The following SLC11A1 variants were observed in gnomAD, a reference collection of about 807,000 sequenced individuals.
SLC11A1 encodes natural resistance-associated macrophage protein 1.
In SLC11A1, 59 loss-of-function variants were observed where a neutral mutation model predicts 63.2. That is an observed-to-expected ratio of 0.93 (90% confidence interval 0.76 to 1.16). The LOEUF is 1.16. Ranked by LOEUF, SLC11A1 falls within the 50% of genes most tolerant of loss-of-function variation. The pLI is 0.00. For missense variants in SLC11A1, 688 were observed against 730.7 expected, an observed-to-expected ratio of 0.94 and a Z score of 0.67; for synonymous variants, 305 against 307.8, an observed-to-expected ratio of 0.99 and a Z score of 0.09.
chr2:218,393,974 C>T, intron 12 of SLC11A1, 146 bp from the exon 13 acceptor site: 2 of 666,920 alleles, frequency 3.0e-6, no homozygotes, highest in Non-Finnish European at 5.0e-6. Context: ...CCTGATAAGG[C>T]AGGAGACGGG....
chr2:218,394,307 A>C (rs1696629943), intron 13 of SLC11A1, 114 bp downstream of exon 13: 1 of 1,128,770 alleles, frequency 8.9e-7, no homozygotes, highest in Non-Finnish European at 1.3e-6. Context: ...ACAGAGGCTG[A>C]GAGAGGTTAA....
intron 7 of SLC11A1, 77 bp from the exon 8 acceptor site, chr2:218,387,723 G>A: frequency 1.9e-6 from 3 of 1,611,664 alleles, no homozygotes; most frequent in Non-Finnish European, 1.7e-6. Flanking sequence ...GGCTGGGGTG[G>A]GATGGAGGCT....
At chr2:218,391,568 C>T (rs1203049895) in intron 11 of SLC11A1, 73 bp downstream of exon 11, 10 of 1,436,790 alleles carry the variant, frequency 7.0e-6, no homozygotes, top group African/African-American at 5.8e-5. Context: ...GCTAGAACTC[C>T]GAGCCTTGTG....
In SLC11A1 at chr2:218,384,514, C is replaced by T. The variant is rs1695971754; in HGVS notation, c.273+149C>T. 2.4e-6 allele frequency: 2 copies of T among 846,016 alleles called. No individual in the cohort carries two copies. The highest frequency in any genetic ancestry group is 2.9e-5 in the Admixed American group (1 of 34,714). 52.4% of individuals were successfully genotyped at this position (846,016 alleles called of 1,614,324 possible). ...GCCCGAAAAGGGTCCCCAGGGCAGCCCTGCCAGAAGGTGGGGCATTTGTGT... is the reference window on the plus strand; with the variant it reads ...GCCCGAAAAGGGTCCCCAGGGCAGCTCTGCCAGAAGGTGGGGCATTTGTGT... On this transcript the variant is annotated intron_variant, in intron 3 of 14. Transcript: ENST00000233202. This position sits in a 1 kb window ranked among gnomAD's most constrained non-coding sequence, Gnocchi z 4.0.
At chr2:218,391,006 A>AC (rs1162483147) in intron 9 of SLC11A1, among the ~76,000 whole-genome samples, 192 bp from the exon 10 acceptor site, 1 of 152,010 alleles carries the variant, frequency 6.6e-6, no homozygotes, top group Non-Finnish European at 1.5e-5. Flanking sequence ...ACATGACAAG[A>AC]CCCCCATCGC....
At chr2:218,391,128 C>A (rs1696409119) in intron 9 of SLC11A1, 70 bp from the exon 10 acceptor site, 1 of 1,388,626 alleles carries the variant, frequency 7.2e-7, no homozygotes, top group Non-Finnish European at 1.0e-6. Context: ...CTGGTCAGTG[C>A]TAGGCAGTCC....
chr2:218,385,551 C>T (rs751328878), intron 4 of SLC11A1: 4 of 449,840 alleles, frequency 8.9e-6, no homozygotes, highest in South Asian at 3.3e-5. Flanking sequence ...CCACCATCAT[C>T]GGCTAATTTT....
chr2:218,386,800 C>T (rs972280080), intron 5 of SLC11A1, 59 bp downstream of exon 5: 6 of 1,230,654 alleles, frequency 4.9e-6, no homozygotes, highest in Middle Eastern at 3.7e-4. Flanking sequence ...GCTGCTACTT[C>T]CCCCCCTAAC....
intron 8 of SLC11A1, 104 bp from the exon 9 acceptor site, chr2:218,389,766 A>T: frequency 1.6e-6 from 2 of 1,226,946 alleles, no homozygotes; most frequent in Non-Finnish European, 2.3e-6. Flanking sequence ...CAGGGGACTT[A>T]AGAAGGTACT....
In SLC11A1 at chr2:218,389,862, C is replaced by G. The variant is rs1696327489; in HGVS notation, c.796-8C>G. On this transcript the variant is annotated splice_region_variant and splice_polypyrimidine_tract_variant and intron_variant, in intron 8 of 14. Transcript: ENST00000233202. ...TTTGGCACTTCCCTCTCCCTTTGATCTTCGTAGTCTCGAGAGATAGACCGG... is the reference window on the plus strand; with the variant it reads ...TTTGGCACTTCCCTCTCCCTTTGATGTTCGTAGTCTCGAGAGATAGACCGG... 4 of 1,602,976 alleles carry G rather than the reference C, an allele frequency of 2.5e-6. No homozygotes were observed. The African/African-American group carries it at 5.4e-5, about 21-fold the overall frequency.
Position 218,386,668 on chromosome 2 carries a change from C to T in SLC11A1, c.427C>T (p.Leu143=). 1 of 1,614,086 alleles carries T rather than the reference C, an allele frequency of 6.2e-7. No individual in the cohort carries two copies. The highest frequency in any genetic ancestry group is 8.5e-7 in the Non-Finnish European group (1 of 1,179,988). Residue 143 remains leucine (L), a synonymous_variant, in exon 5 of 15, where the codon CTA becomes TTA. Transcript: ENST00000233202. ...CACCGTCCTCTGGCTGACCATCGAG[C>T]TAGCCATTGTGGGCTCCGACATGCA... ...PRTVLWLTIE[L]AIVGSDMQEV...
At chr2:218,387,737 A>T (rs988290356) in intron 7 of SLC11A1, 63 bp from the exon 8 acceptor site, 19 of 1,611,550 alleles carry the variant, frequency 1.2e-5, no homozygotes. Flanking sequence ...GGAGGCTGAG[A>T]AATGGTGACC....
Position 218,387,148 on chromosome 2 carries a change from C to T in SLC11A1, c.501-12C>T. ...GACCAGGCTGGGCTGACCCGGGCCA[C>T]TCTGGTTTCAGAATCCCACTCTGGG... On this transcript the variant is annotated splice_polypyrimidine_tract_variant and intron_variant, in intron 5 of 14. Transcript: ENST00000233202. The T allele has an allele frequency of 6.2e-7, 1 of 1,614,086 alleles. No individual in the cohort carries two copies. Among genetic ancestry groups the T allele is most frequent in the Non-Finnish European group, 8.5e-7 (1 of 1,179,894 alleles).
chr2:218,395,315 ATTT>A lies in SLC11A1; in HGVS notation c.*281_*283del. 4.7e-6 allele frequency: 2 copies of A among 425,598 alleles called. No homozygotes were observed. Among genetic ancestry groups the A allele is most frequent in the East Asian group, 4.2e-5 (1 of 23,734 alleles). The allele number at this position is 425,598 out of a possible 1,614,324, so 26.4% of individuals were successfully genotyped here. Reference sequence around the variant, plus strand: ...GGACAAAAACAAACAAACGAAAAACATTTCAAAAGGTATTTATTGAGCACCTGC... The same window carrying A: ...GGACAAAAACAAACAAACGAAAAACACAAAAGGTATTTATTGAGCACCTGC... On this transcript the variant is annotated 3_prime_UTR_variant, in exon 15 of 15. Coordinates refer to ENST00000233202, the MANE Select transcript of SLC11A1 (RefSeq NM_000578.4).
intron 12 of SLC11A1, 130 bp from the exon 13 acceptor site, chr2:218,393,990 A>T: frequency 1.3e-6 from 1 of 757,712 alleles, no homozygotes; most frequent in Non-Finnish European, 2.1e-6. Context: ...ACGGGGAAGT[A>T]GGCTCAGTGT....
intron 4 of SLC11A1, 51 bp downstream of exon 4, chr2:218,385,317 CA>C (rs1173622624): frequency 6.2e-7 from 1 of 1,611,000 alleles, no homozygotes; most frequent in South Asian, 1.1e-5. Context: ...AAACCCCAAA[CA>C]GCCATTTTCA....
At chr2:218,391,569 G>A (rs781774430) in intron 11 of SLC11A1, 74 bp downstream of exon 11, 563 of 1,421,674 alleles carry the variant, frequency 4.0e-4, no homozygotes, top group Admixed American at 9.2e-4. Context: ...CTAGAACTCC[G>A]AGCCTTGTGG....
rs1434676236 is a variant in SLC11A1, at chr2:218,384,311, G to A, written c.219G>A (p.Leu73=). ...GPGFLMSIAF[L]DPGNIESDLQ... The stretch of plus-strand genomic sequence containing the variant: ...GCTTCCTCATGAGCATTGCTTTCCT[G>A]GACCCAGGAAACATCGAGTCAGATC... The change falls in exon 3 of 15, where the codon CTG becomes CTA. Residue 73 remains leucine, a synonymous_variant. Coordinates refer to ENST00000233202, the MANE Select transcript of SLC11A1 (RefSeq NM_000578.4). This position sits in a 1 kb window ranked among gnomAD's most constrained non-coding sequence, Gnocchi z 4.0. 1.9e-6 allele frequency: 3 copies of A among 1,608,844 alleles called. No individual in the cohort carries two copies. Among genetic ancestry groups the A allele is most frequent in the African/African-American group, 2.7e-5 (2 of 74,830 alleles).
In SLC11A1 at chr2:218,384,416, G is replaced by A. The variant is rs759292328; in HGVS notation, c.273+51G>A. ...GACACTTTCGAGAGGGAGGTGACCA[G>A]GCTAAGTGTTGAAGGCCCCTGCTGG... On this transcript the variant is annotated intron_variant, in intron 3 of 14. Transcript: ENST00000233202. This position sits in a 1 kb window ranked among gnomAD's most constrained non-coding sequence, Gnocchi z 4.0. 6.4e-7 allele frequency: 1 copy of A among 1,563,208 alleles called. No homozygotes were observed.
Sources: gnomAD v4.1 joint callset for allele counts (sites outside exome capture counted in the v4.1 genomes callset) on GRCh38, gnomAD v4.1.1 for gene constraint, Gnocchi (gnomAD v3.1) non-coding constraint, MANE v1.5 for transcripts, NCBI Gene and HGNC (gene_info 2026-07-23, HGNC 2026-07-21) for gene names.